Variants in IQSEC1 observed in about 807,000 individuals in gnomAD.
IQSEC1 encodes IQ motif and Sec7 domain ArfGEF 1, also known as IQ motif and SEC7 domain-containing protein 1.
A neutral mutation model predicts 91.0 loss-of-function variants in IQSEC1; 31 were observed. The ratio of observed to expected loss-of-function variants is 0.34; its 90% CI spans 0.26 to 0.46. The LOEUF (loss-of-function observed/expected upper bound fraction) is 0.46, where lower values mean the gene tolerates loss of function less well. Ranked by LOEUF, IQSEC1 falls within the 20% of genes least tolerant of loss-of-function variation. IQSEC1 has a pLI of 1.00. For missense variants in IQSEC1, 1,388 were observed against 1,575.6 expected, an observed-to-expected ratio of 0.88 and a Z score of 2.02; for synonymous variants, 699 against 662.6, an observed-to-expected ratio of 1.05 and a Z score of -0.84.
At chr3:13,184,806 C>T (rs1693903387) in intron 1 of IQSEC1, among the ~76,000 whole-genome samples, 1 of 152,128 alleles carries the variant, frequency 6.6e-6, no homozygotes, top group Non-Finnish European at 1.5e-5. Context: ...CCAGCCATGG[C>T]CAGTTGGGAA....
intron 12 of IQSEC1, among the ~76,000 whole-genome samples, chr3:12,905,429 T>C (rs1477262318): frequency 6.6e-6 from 1 of 152,252 alleles, no homozygotes; most frequent in Admixed American, 6.5e-5. Flanking sequence ...ATGATAGCTA[T>C]GCACACTCGG....
chr3:13,226,578 C>T (rs1378734411), intron 1 of IQSEC1, among the ~76,000 whole-genome samples: 4 of 124,430 alleles, frequency 3.2e-5, no homozygotes, highest in Admixed American at 8.1e-5. Context: ...ATAGTGAGAC[C>T]CCATCTCTAC....
At chr3:13,023,476 C>A (rs1703488571) in intron 1 of IQSEC1, among the ~76,000 whole-genome samples, 1 of 152,164 alleles carries the variant, frequency 6.6e-6, no homozygotes, top group African/African-American at 2.4e-5. Context: ...GCACCCAGCA[C>A]CTGGCACCCA....
At chr3:13,109,701 A>G (rs1412527121) in intron 2 of IQSEC1, among the ~76,000 whole-genome samples, 1 of 150,814 alleles carries the variant, frequency 6.6e-6, no homozygotes, top group Non-Finnish European at 1.5e-5. Context: ...ACCTTCCACC[A>G]TGAGTGGAAG....
rs2124971858 is a variant in IQSEC1 at position 12,900,674 on chromosome 3, T to G, written c.*309A>C. ...CATTAGGGCACAGGGAGCTGAGAGC[T>G]GGAGTGGGGGAGGCAGTTCAACACT... On this transcript the variant is annotated 3_prime_UTR_variant, in exon 14 of 14. Coordinates refer to ENST00000613206, the MANE Select transcript of IQSEC1 (RefSeq NM_001134382.3). 1.5e-6 allele frequency: 2 copies of G among 1,301,522 alleles called. No individual in the cohort carries two copies. Among genetic ancestry groups the G allele is most frequent in the Admixed American group, 3.8e-5 (1 of 26,310 alleles). 80.6% of individuals were successfully genotyped at this position (1,301,522 alleles called of 1,614,324 possible). A position where few individuals can be genotyped will look rare whatever the true frequency, so the allele number is the denominator to read the frequency against.
In IQSEC1 at chr3:12,920,610, G is replaced by A. The variant is rs758810959; in HGVS notation, c.1854-14C>T. 2.5e-6 allele frequency: 4 copies of A among 1,613,516 alleles called. No homozygotes were observed. The South Asian group carries it at 4.4e-5, about 18-fold the overall frequency. ...CAGTAGCGCTGGCTGCGGGCCGGGA[G>A]GGAGGGGGTCAGGGCCATGGCGCAG... On this transcript the variant is annotated splice_polypyrimidine_tract_variant and intron_variant, in intron 5 of 13. Coordinates refer to ENST00000613206, the MANE Select transcript of IQSEC1 (RefSeq NM_001134382.3).
rs1428145560 is a variant in IQSEC1, at chr3:12,900,663, G to T, written c.*320C>A. ...ATATGCATGTACATTAGGGCACAGGGAGCTGAGAGCTGGAGTGGGGGAGGC... is the reference window on the plus strand; with the variant it reads ...ATATGCATGTACATTAGGGCACAGGTAGCTGAGAGCTGGAGTGGGGGAGGC... On this transcript the variant is annotated 3_prime_UTR_variant, in exon 14 of 14. Transcript: ENST00000613206. 1.6e-6 allele frequency: 2 copies of T among 1,277,212 alleles called. No homozygotes were observed. The highest frequency in any genetic ancestry group is 1.9e-5 in the South Asian group (1 of 52,140). 79.1% of individuals were successfully genotyped at this position (1,277,212 alleles called of 1,614,324 possible).
At chr3:12,987,456 G>C (rs544170796) in intron 1 of IQSEC1, among the ~76,000 whole-genome samples, 14 of 152,358 alleles carry the variant, frequency 9.2e-5, no homozygotes, top group Non-Finnish European at 1.2e-4. Context: ...GAGAGAGAGA[G>C]AGACCGTAGA....
In IQSEC1 at chr3:12,967,568, C is replaced by T. The variant is rs1466033904; in HGVS notation, c.24-25703G>A. ...GGCCGACACCCGGCCACCCGGAGACCCGACCACCCGCCACGCGATCACGTC... is the reference window on the plus strand; with the variant it reads ...GGCCGACACCCGGCCACCCGGAGACTCGACCACCCGCCACGCGATCACGTC... On this transcript the variant is annotated intron_variant, in intron 1 of 13. Coordinates refer to ENST00000613206, the MANE Select transcript of IQSEC1 (RefSeq NM_001134382.3). This position sits in a 1 kb window ranked among gnomAD's most constrained non-coding sequence, Gnocchi z 5.9. 7.5e-7 allele frequency: 1 copy of T among 1,333,464 alleles called. No individual in the cohort carries two copies. Among genetic ancestry groups the T allele is most frequent in the Non-Finnish European group, 9.5e-7 (1 of 1,049,472 alleles). 82.6% of individuals were successfully genotyped at this position (1,333,464 alleles called of 1,614,324 possible). A position where few individuals can be genotyped will look rare whatever the true frequency, so the allele number is the denominator to read the frequency against.
rs1251544628 is a variant in IQSEC1 at position 13,103,069 on chromosome 3, C to T, written c.303-55547G>A. 2.0e-5 allele frequency among the ~76,000 whole-genome samples: 3 copies of T among 152,040 alleles called. No individual in the cohort carries two copies. Among genetic ancestry groups the T allele is most frequent in the Non-Finnish European group, 4.4e-5 (3 of 68,012 alleles). On this transcript the variant is annotated intron_variant, in intron 2 of 15. Coordinates refer to the IQSEC1 transcript ENST00000648114. This position sits in a 1 kb window ranked among gnomAD's most constrained non-coding sequence, Gnocchi z 4.1. ...GTCGGAAGGGACTCTGACTTCTGCG[C>T]AGGGATGCAGCTTGCTCCCATGCTC...
rs774589168 is a variant in IQSEC1 at position 13,154,438 on chromosome 3, CATATATATATATATATATATATATAT to C, written c.302+9640_302+9665del. Among the ~76,000 whole-genome samples the C allele has an allele frequency of 1.3e-3, 27 of 20,760 alleles. 1 individual carries two copies. The highest frequency in any genetic ancestry group is 3.6e-3 in the East Asian group (2 of 552). 13.6% of individuals were successfully genotyped at this position (20,760 alleles called of 152,430 possible). A position where few individuals can be genotyped will look rare whatever the true frequency, so the allele number is the denominator to read the frequency against. ...ACACCAGGAAGCTGGAACTTACATGCATATATATATATATATATATATATATATATATATATATGCAAAAACTGATA... is the reference window on the plus strand; with the variant it reads ...ACACCAGGAAGCTGGAACTTACATGCATATATATATATGCAAAAACTGATA... On this transcript the variant is annotated intron_variant, in intron 2 of 15. Transcript: ENST00000648114.
intron 1 of IQSEC1, among the ~76,000 whole-genome samples, chr3:13,262,919 G>C (rs56281468): frequency 0.13 from 19,345 of 152,076 alleles, 1,287 homozygotes; most frequent in East Asian, 0.17. Flanking sequence ...GTTTAACAGG[G>C]GCAGAGTTTC....
At chr3:13,067,442 G>C (rs889480903) in intron 1 of IQSEC1, among the ~76,000 whole-genome samples, 15 of 152,214 alleles carry the variant, frequency 9.9e-5, no homozygotes, top group African/African-American at 3.6e-4. Flanking sequence ...TGTGGGACAA[G>C]TACCCTCAGC....
chr3:13,057,248 G>A (rs1704911251), intron 1 of IQSEC1, among the ~76,000 whole-genome samples: 1 of 152,224 alleles, frequency 6.6e-6, no homozygotes. Flanking sequence ...GCCAGGGGAT[G>A]GAGGTGGCCT....
intron 2 of IQSEC1, among the ~76,000 whole-genome samples, chr3:13,085,899 C>A (rs922254150): frequency 4.2e-4 from 64 of 152,240 alleles, no homozygotes; most frequent in African/African-American, 1.5e-3. Context: ...ACAGTCCTCA[C>A]CTGCAGGTGG....
At chr3:12,957,904 G>A (rs747673286) in intron 1 of IQSEC1, among the ~76,000 whole-genome samples, 2 of 152,180 alleles carry the variant, frequency 1.3e-5, no homozygotes, top group Non-Finnish European at 2.9e-5. Flanking sequence ...GTCTACATTC[G>A]GCTCCACACT....
At chr3:13,209,554 G>A (rs1278886889) in intron 1 of IQSEC1, among the ~76,000 whole-genome samples, 1 of 152,160 alleles carries the variant, frequency 6.6e-6, no homozygotes, top group Non-Finnish European at 1.5e-5. Context: ...TCACAGCCCA[G>A]CACCCCCATG....
In IQSEC1 at chr3:12,901,292, G is replaced by A. The variant is rs1418235809; in HGVS notation, c.3036C>T (p.His1012=). Residue 1012 remains histidine (H), a synonymous_variant, in exon 14 of 14, where the codon CAC becomes CAT. Coordinates refer to ENST00000613206, the MANE Select transcript of IQSEC1 (RefSeq NM_001134382.3). ...PHLQHSVAGH[H]LGPPEGLPQA... ...GCGGCAGCCCCTCTGGGGGCCCCAGGTGGTGGCCAGCCACAGAGTGCTGCA... is the reference window on the plus strand; with the variant it reads ...GCGGCAGCCCCTCTGGGGGCCCCAGATGGTGGCCAGCCACAGAGTGCTGCA... The A allele has an allele frequency of 5.2e-6, 8 of 1,546,894 alleles. No individual in the cohort carries two copies. The highest frequency in any genetic ancestry group is 2.7e-5 in the African/African-American group (2 of 72,874).
At chr3:12,904,113 G>C (rs1302690227) in intron 12 of IQSEC1, among the ~76,000 whole-genome samples, 2 of 152,224 alleles carry the variant, frequency 1.3e-5, no homozygotes, top group African/African-American at 4.8e-5. Flanking sequence ...CTAGCCCAAG[G>C]CCACCAGCCA....
Sources: allele counts gnomAD v4.1 joint callset (sites outside exome capture counted in the v4.1 genomes callset), GRCh38; gene constraint gnomAD v4.1.1; non-coding constraint Gnocchi (gnomAD v3.1); transcripts MANE v1.5; gene names NCBI Gene and HGNC (gene_info 2026-07-23, HGNC 2026-07-21).